The following CHST9 variants were observed in gnomAD, a reference collection of about 807,000 sequenced individuals.
CHST9 encodes GalNAc-4-sulfotransferase 2.
CHST9 carries 41 observed loss-of-function variants against 44.4 expected under a neutral mutation model. That is an observed-to-expected ratio of 0.92 (90% CI 0.72 to 1.20). The LOEUF (loss-of-function observed/expected upper bound fraction) is 1.20. Among genes scored for constraint, CHST9 ranks in the 50% most tolerant of loss-of-function variants. The pLI is 0.00. For missense variants in CHST9, 504 were observed against 516.5 expected (o/e 0.98, Z 0.23); for synonymous variants, 171 against 178.4 (o/e 0.96, Z 0.33).
At chr18:26,984,168 TA>T (rs916926451) in intron 4 of CHST9, among the ~76,000 whole-genome samples, 1 of 152,254 alleles carries the variant, frequency 6.6e-6, no homozygotes, top group African/African-American at 2.4e-5. Flanking sequence ...CACTTAATTG[TA>T]ACTTTTCCAA....
intron 4 of CHST9, among the ~76,000 whole-genome samples, chr18:26,963,118 TAG>T (rs745663938): frequency 6.6e-6 from 1 of 152,158 alleles, no homozygotes; most frequent in Non-Finnish European, 1.5e-5. Flanking sequence ...GTATTGGGCA[TAG>T]AGTGAATGAA....
At chr18:27,159,029 A>G (rs777215044) in intron 1 of CHST9, among the ~76,000 whole-genome samples, 11,256 of 103,190 alleles carry the variant, frequency 0.11, no homozygotes, top group East Asian at 0.2. Flanking sequence ...AGATGAGCAG[A>G]TTGCAAAAAT....
chr18:27,113,634 C>T (rs1163184622), intron 2 of CHST9, among the ~76,000 whole-genome samples: 1 of 152,146 alleles, frequency 6.6e-6, no homozygotes, highest in African/African-American at 2.4e-5. Context: ...TGTAAAGACA[C>T]AGCAAGAAGG....
chr18:27,163,114 G>A (rs1398784954), intron 1 of CHST9, among the ~76,000 whole-genome samples: 1 of 152,182 alleles, frequency 6.6e-6, no homozygotes, highest in South Asian at 2.1e-4. Flanking sequence ...AGCAGTGGAG[G>A]CTGCAGAACA....
intron 2 of CHST9, among the ~76,000 whole-genome samples, chr18:27,137,850 T>C (rs1444642038): frequency 1.3e-5 from 2 of 152,068 alleles, no homozygotes; most frequent in African/African-American, 2.4e-5. Context: ...ACTAGACAAA[T>C]AGTGCCACTT....
At chr18:27,005,512 T>C (rs193148710) in intron 4 of CHST9, among the ~76,000 whole-genome samples, 4 of 152,320 alleles carry the variant, frequency 2.6e-5, no homozygotes, top group Non-Finnish European at 5.9e-5. Flanking sequence ...ACTCAAGAGC[T>C]TAACTAGAAC....
chr18:27,168,317 G>A (rs1045457326), intron 1 of CHST9, among the ~76,000 whole-genome samples: 8 of 151,894 alleles, frequency 5.3e-5, no homozygotes, highest in Non-Finnish European at 1.0e-4. Context: ...CTCGTGATCC[G>A]CCCGCCTCAG....
At chr18:26,975,863 T>A (rs2056618042) in intron 4 of CHST9, among the ~76,000 whole-genome samples, 1 of 150,900 alleles carries the variant, frequency 6.6e-6, no homozygotes, top group African/African-American at 2.4e-5. Context: ...CTGCAGAGCA[T>A]AAATTACATC....
At chr18:27,175,218 ATCTTCCTTATTT>A (rs2058859292) in intron 1 of CHST9, among the ~76,000 whole-genome samples, 2 of 151,592 alleles carry the variant, frequency 1.3e-5, no homozygotes, top group Non-Finnish European at 1.5e-5. Context: ...GTTCTCCTTT[ATCTTCCTTATTT>A]TCATATAGGG....
chr18:27,074,860 A>T (rs553748370), intron 2 of CHST9, among the ~76,000 whole-genome samples: 367 of 148,012 alleles, frequency 2.5e-3, no homozygotes, highest in African/African-American at 8.7e-3. Context: ...TATATGATAT[A>T]TAGTTTATGT....
rs2055398162 is a variant in CHST9 at position 26,908,486 on chromosome 18, A to C, written c.*7773T>G. 1.3e-5 allele frequency: 2 copies of C among 152,210 alleles called. No individual in the cohort carries two copies. The highest frequency in any genetic ancestry group is 1.3e-4 in the Admixed American group (2 of 15,272). The allele number at this position is 152,210 out of a possible 1,614,324, so 9.4% of individuals were successfully genotyped here. ...ATTAAAAGGATACCAAAAAATGATA[A>C]GGTGATAAAATTTTATGTTATGTGG... On this transcript the variant is annotated 3_prime_UTR_variant, in exon 6 of 6. Transcript: ENST00000618847.
At chr18:26,980,864 C>T (rs374343799) in intron 4 of CHST9, among the ~76,000 whole-genome samples, 4 of 152,138 alleles carry the variant, frequency 2.6e-5, no homozygotes, top group Admixed American at 1.3e-4. Flanking sequence ...TCGGCCAAAA[C>T]GAAGCCTAAA....
At chr18:27,080,064 C>T (rs1293513206) in intron 2 of CHST9, among the ~76,000 whole-genome samples, 1 of 152,072 alleles carries the variant, frequency 6.6e-6, no homozygotes, top group African/African-American at 2.4e-5. Context: ...ATTCAGCCTA[C>T]CACAAATGTA....
chr18:26,952,561 T>C (rs1249716516), intron 4 of CHST9: 7 of 426,192 alleles, frequency 1.6e-5, no homozygotes, highest in Non-Finnish European at 2.7e-5. Context: ...TTGTGAAAGT[T>C]TATTTTGAAC....
intron 2 of CHST9, among the ~76,000 whole-genome samples, chr18:27,075,162 TG>T (rs907693554): frequency 1.0e-4 from 14 of 134,316 alleles, no homozygotes; most frequent in Admixed American, 3.9e-4. Context: ...TTTTTTTGTT[TG>T]TTTTTTTTGT....
At chr18:27,039,504 T>C (rs2057422923) in intron 3 of CHST9, among the ~76,000 whole-genome samples, 1 of 152,026 alleles carries the variant, frequency 6.6e-6, no homozygotes, top group Non-Finnish European at 1.5e-5. Flanking sequence ...GACAGAGGGA[T>C]GGAAGAATGG....
chr18:26,922,781 G>T (rs752041789), intron 5 of CHST9, among the ~76,000 whole-genome samples: 1 of 151,908 alleles, frequency 6.6e-6, no homozygotes, highest in African/African-American at 2.4e-5. Flanking sequence ...GATTACAGGC[G>T]CATGCCACCA....
At chr18:27,006,508 C>G (rs1415316230) in intron 4 of CHST9, among the ~76,000 whole-genome samples, 1 of 152,072 alleles carries the variant, frequency 6.6e-6, no homozygotes, top group African/African-American at 2.4e-5. Context: ...TATTTAATTT[C>G]CATTCACTTG....
At chr18:27,074,470 T>G (rs1218593480) in intron 2 of CHST9, among the ~76,000 whole-genome samples, 7 of 152,206 alleles carry the variant, frequency 4.6e-5, no homozygotes, top group Non-Finnish European at 1.5e-5. Context: ...AAAAGGTTTG[T>G]GTGTTTATAG....
Sources: allele counts gnomAD v4.1 joint callset (sites outside exome capture counted in the v4.1 genomes callset), GRCh38; gene constraint gnomAD v4.1.1; transcripts MANE v1.5; gene names NCBI Gene and HGNC (gene_info 2026-07-23, HGNC 2026-07-21).